The following MEGF6 variants were observed in gnomAD, a reference collection of about 807,000 sequenced individuals.
MEGF6 encodes the protein multiple EGF like domains 6.
Under a neutral mutation model 207.1 loss-of-function variants are expected in MEGF6, and 184 were observed. That is an observed-to-expected ratio of 0.89 (90% CI 0.79 to 1.00). The LOEUF (loss-of-function observed/expected upper bound fraction) is 1.00. Ranked by LOEUF, MEGF6 falls within the 50% of genes least tolerant of loss-of-function variation. The pLI is 0.00. For synonymous variants in MEGF6, 1,038 were observed against 910.0 expected (o/e 1.14, Z -2.53); for missense variants, 2,282 against 2,202.9 (o/e 1.04, Z -0.72).
chr1:3,503,885 C>T (rs1044717115), intron 17 of MEGF6, among the ~76,000 whole-genome samples: 1 of 152,232 alleles, frequency 6.6e-6, no homozygotes, highest in African/African-American at 2.4e-5. Flanking sequence ...TGCTGCACAC[C>T]GGCCTGAGAC....
intron 5 of MEGF6, among the ~76,000 whole-genome samples, chr1:3,519,364 C>T (rs1641657137): frequency 6.6e-6 from 1 of 152,254 alleles, no homozygotes; most frequent in Admixed American, 6.5e-5. Context: ...GGACCACACA[C>T]ATGGAATGAA....
chr1:3,608,968 G>C (rs113632525), intron 1 of MEGF6, among the ~76,000 whole-genome samples: 2,630 of 152,316 alleles, frequency 0.017, 75 homozygotes, highest in African/African-American at 0.057. Flanking sequence ...CTCCGACAGC[G>C]TCTCCTAGAG....
intron 1 of MEGF6, among the ~76,000 whole-genome samples, chr1:3,605,594 T>C (rs566043169): frequency 2.0e-5 from 3 of 151,834 alleles, no homozygotes; most frequent in Non-Finnish European, 2.9e-5. Flanking sequence ...ACTCATACAA[T>C]GACACACACA....
chr1:3,493,398 C>T (rs942202696), intron 34 of MEGF6: 1 of 308,464 alleles, frequency 3.2e-6, no homozygotes, highest in Non-Finnish European at 6.1e-6. Context: ...CAGGTGAGAC[C>T]CTCCTATCCT....
At chr1:3,595,490 T>G in intron 2 of MEGF6, 43 bp from the exon 3 acceptor site, 2 of 1,543,616 alleles carry the variant, frequency 1.3e-6, no homozygotes, top group Non-Finnish European at 1.8e-6. Flanking sequence ...GTCGCGGGAC[T>G]GGCTGTATTC....
the MEGF6 span, among the ~76,000 whole-genome samples, chr1:3,621,134 G>A: frequency 6.6e-6 from 1 of 152,206 alleles, no homozygotes; most frequent in Non-Finnish European, 1.5e-5. Context: ...ATAACTGTGG[G>A]CAAGCCTGAC....
intron 11 of MEGF6, among the ~76,000 whole-genome samples, 179 bp downstream of exon 11, chr1:3,509,691 G>A (rs1641259415): frequency 6.6e-6 from 1 of 152,208 alleles, no homozygotes; most frequent in African/African-American, 2.4e-5. Flanking sequence ...GAAGAGGCAG[G>A]ACCTCAGTGG....
chr1:3,586,152 T>C (rs1384822220), intron 3 of MEGF6, among the ~76,000 whole-genome samples: 1 of 148,800 alleles, frequency 6.7e-6, no homozygotes, highest in African/African-American at 2.5e-5. Context: ...CCTGTGTGTG[T>C]GTGAGGACAC....
intron 4 of MEGF6, among the ~76,000 whole-genome samples, chr1:3,578,391 G>A (rs2101741897): frequency 6.6e-6 from 1 of 152,342 alleles, no homozygotes; most frequent in South Asian, 2.1e-4. Context: ...AAACGTGACA[G>A]TGGAGCCCAC....
Position 3,501,016 on chromosome 1 carries a change from G to C in MEGF6, c.2525C>G (p.Thr842Ser), listed in dbSNP as rs1403239690. Residue 842 changes from threonine to serine, a missense_variant, in exon 20 of 37, where the codon ACC becomes AGC. Thr to Ser is a moderately conservative substitution (Grantham distance 58, BLOSUM62 1). Coordinates refer to ENST00000356575, the MANE Select transcript of MEGF6 (RefSeq NM_001409.4). ...CCCGGGGGCACAGCTGCAGTGTCCG[G>C]TGGCTGGGTGGCAGTGCCCATCATT... Reference protein sequence around the residue: ...CANDGHCHPATGHCSCAPGWT... With the variant: ...CANDGHCHPASGHCSCAPGWT... 1 of 1,612,616 alleles carries C rather than the reference G, an allele frequency of 6.2e-7. No homozygotes were observed. The highest frequency in any genetic ancestry group is 2.2e-5 in the East Asian group (1 of 44,880).
chr1:3,541,207 G>T (rs1353622008), intron 4 of MEGF6, among the ~76,000 whole-genome samples: 1 of 152,248 alleles, frequency 6.6e-6, no homozygotes, highest in Non-Finnish European at 1.5e-5. Flanking sequence ...TGCCCCGTGG[G>T]GGGCCTCAGC....
chr1:3,500,855 G>A, intron 20 of MEGF6, 91 bp from the exon 21 acceptor site: 5 of 1,594,964 alleles, frequency 3.1e-6, no homozygotes, highest in Non-Finnish European at 4.3e-6. Flanking sequence ...CTCAGGACTG[G>A]GGCAAGGCCT....
intron 10 of MEGF6, among the ~76,000 whole-genome samples, chr1:3,510,499 C>T (rs1641301119): frequency 8.4e-6 from 1 of 118,570 alleles, no homozygotes; most frequent in Non-Finnish European, 1.7e-5. Flanking sequence ...CAACCAACGC[C>T]CACAGCCCTG....
intron 4 of MEGF6, among the ~76,000 whole-genome samples, chr1:3,568,982 G>A (rs1027120794): frequency 6.7e-6 from 1 of 149,382 alleles, no homozygotes; most frequent in South Asian, 2.1e-4. Context: ...GCTGGGCACT[G>A]CAGCTTCCAG....
upstream of MEGF6, among the ~76,000 whole-genome samples, chr1:3,613,233 G>A (rs548846305): frequency 3.3e-5 from 5 of 152,210 alleles, no homozygotes; most frequent in African/African-American, 9.6e-5. Context: ...CCGGGATCTC[G>A]GCTGCAGGGG....
chr1:3,598,640 C>T (rs1412690896), intron 2 of MEGF6, among the ~76,000 whole-genome samples: 1 of 152,000 alleles, frequency 6.6e-6, no homozygotes. Context: ...CGTTCTCCTG[C>T]AGCCAGCACC....
chr1:3,584,631 G>A (rs77677121), intron 3 of MEGF6, among the ~76,000 whole-genome samples: 3,543 of 152,344 alleles, frequency 0.023, 64 homozygotes, highest in Admixed American at 0.036. Flanking sequence ...CCACACCAGA[G>A]TCCCAGGGCA....
At chr1:3,574,796 C>T (rs1643597640) in intron 4 of MEGF6, among the ~76,000 whole-genome samples, 1 of 152,180 alleles carries the variant, frequency 6.6e-6, no homozygotes, top group African/African-American at 2.4e-5. Flanking sequence ...GCGCCCGCCA[C>T]CACACCTGGC....
intron 1 of MEGF6, 130 bp from the exon 2 acceptor site, chr1:3,602,730 GCA>G (rs887868293): frequency 3.2e-5 from 43 of 1,334,278 alleles, no homozygotes; most frequent in Non-Finnish European, 4.2e-5. Flanking sequence ...GGCCTCCACG[GCA>G]CAGTGCCCAT....
Sources: allele counts gnomAD v4.1 joint callset (sites outside exome capture counted in the v4.1 genomes callset), GRCh38; gene constraint gnomAD v4.1.1; transcripts MANE v1.5; gene names NCBI Gene and HGNC (gene_info 2026-07-23, HGNC 2026-07-21).